The following FER variants were observed in gnomAD, a reference collection of about 807,000 sequenced individuals.
FER encodes FER tyrosine kinase, also known as tyrosine-protein kinase Fer.
FER carries 63 observed loss-of-function variants against 111.0 expected under a neutral mutation model. The observed-to-expected ratio is 0.57, with a 90% CI of 0.46 to 0.70. The LOEUF is 0.70. Ranked by LOEUF, FER falls within the 30% of genes least tolerant of loss-of-function variation. FER has a pLI of 0.00. For missense variants in FER, 914 were observed against 954.0 expected (o/e 0.96, Z 0.55); for synonymous variants, 327 against 313.9 (o/e 1.04, Z -0.44).
intron 10 of FER, among the ~76,000 whole-genome samples, chr5:108,904,029 C>G (rs1427090024): frequency 1.3e-5 from 2 of 151,980 alleles, no homozygotes; most frequent in South Asian, 4.1e-4. Flanking sequence ...CTTAATGCAT[C>G]TTAGGTATCA....
chr5:109,015,507 A>G (rs1766959453), intron 13 of FER, among the ~76,000 whole-genome samples: 3 of 151,900 alleles, frequency 2.0e-5, no homozygotes, highest in Admixed American at 2.0e-4. Flanking sequence ...CTCTGGAGCT[A>G]TACTGGTGAC....
rs181451823 is a variant in FER at position 108,899,751 on chromosome 5, C to T, written c.1236+1903C>T. On this transcript the variant is annotated intron_variant, in intron 10 of 19. Coordinates refer to ENST00000281092, the MANE Select transcript of FER (RefSeq NM_005246.4). ...CCTGGGAGGTGGAGGTTGCAGTGAG[C>T]TGAGATCGTGCCACTGCACTCCAGC... Among the ~76,000 whole-genome samples the T allele has an allele frequency of 2.7e-3, 399 of 150,506 alleles. 1 individual carries two copies. Among genetic ancestry groups the T allele is most frequent in the African/African-American group, 9.4e-3 (384 of 40,860 alleles).
chr5:108,927,565 G>A (rs1753961157), intron 10 of FER, among the ~76,000 whole-genome samples: 1 of 152,234 alleles, frequency 6.6e-6, no homozygotes, highest in South Asian at 2.1e-4. Flanking sequence ...GGCGAGAAGT[G>A]GCTCTTAATG....
At chr5:108,899,487 G>C (rs1411157058) in intron 10 of FER, among the ~76,000 whole-genome samples, 1 of 152,052 alleles carries the variant, frequency 6.6e-6, no homozygotes, top group Non-Finnish European at 1.5e-5. Context: ...CTGTTACCAT[G>C]ACGTTGTGGA....
intron 5 of FER, among the ~76,000 whole-genome samples, chr5:108,852,466 A>G (rs1762627079): frequency 6.6e-6 from 1 of 152,186 alleles, no homozygotes; most frequent in Non-Finnish European, 1.5e-5. Context: ...AATGGCAACT[A>G]GCCTTCTTAT....
intron 6 of FER, among the ~76,000 whole-genome samples, chr5:108,870,694 A>G (rs967372720): frequency 4.6e-5 from 7 of 152,146 alleles, no homozygotes; most frequent in Admixed American, 3.9e-4. Context: ...ATGCAGGATA[A>G]CCTTGTCTGT....
chr5:109,075,056 CT>C, intron 16 of FER, among the ~76,000 whole-genome samples: 1 of 152,236 alleles, frequency 6.6e-6, no homozygotes, highest in South Asian at 2.1e-4. Flanking sequence ...CATCAAAATT[CT>C]GTGTGTATAT....
At chr5:109,061,691 A>C (rs1019648193) in intron 16 of FER, among the ~76,000 whole-genome samples, 1 of 152,222 alleles carries the variant, frequency 6.6e-6, no homozygotes, top group Non-Finnish European at 1.5e-5. Flanking sequence ...AGCTCGTTTC[A>C]GTAAACAGGA....
chr5:109,050,368 G>A (rs762284349), intron 16 of FER, among the ~76,000 whole-genome samples: 2 of 152,120 alleles, frequency 1.3e-5, no homozygotes, highest in Non-Finnish European at 2.9e-5. Flanking sequence ...CATGAGAAAG[G>A]TTCAAATTTG....
intron 13 of FER, among the ~76,000 whole-genome samples, chr5:109,016,852 A>G (rs1461749991): frequency 6.6e-6 from 1 of 151,994 alleles, no homozygotes; most frequent in African/African-American, 2.4e-5. Flanking sequence ...TTAGGAGGTA[A>G]TTAAGGTTAA....
At chr5:108,946,417 A>G (rs759114875) in intron 11 of FER, among the ~76,000 whole-genome samples, 195 bp downstream of exon 11, 7 of 151,876 alleles carry the variant, frequency 4.6e-5, no homozygotes, top group Non-Finnish European at 8.8e-5. Flanking sequence ...ATATATGTGT[A>G]TAGTAAAATC....
At chr5:108,928,388 T>G (rs747692441) in intron 10 of FER, among the ~76,000 whole-genome samples, 1 of 152,232 alleles carries the variant, frequency 6.6e-6, no homozygotes, top group Non-Finnish European at 1.5e-5. Flanking sequence ...ACAAAATATT[T>G]TAAAGCTATG....
At chr5:108,976,643 A>C (rs1305578786) in intron 13 of FER, among the ~76,000 whole-genome samples, 1 of 152,180 alleles carries the variant, frequency 6.6e-6, no homozygotes, top group Non-Finnish European at 1.5e-5. Context: ...CATATTTAAC[A>C]CATATTTTGT....
At chr5:108,790,215 T>C (rs903231771) in intron 2 of FER, among the ~76,000 whole-genome samples, 2 of 144,512 alleles carry the variant, frequency 1.4e-5, no homozygotes, top group Non-Finnish European at 3.0e-5. Flanking sequence ...AAACTGTATG[T>C]ATACATATAT....
At chr5:108,926,975 T>G (rs942500068) in intron 10 of FER, among the ~76,000 whole-genome samples, 4 of 152,148 alleles carry the variant, frequency 2.6e-5, no homozygotes, top group African/African-American at 9.7e-5. Flanking sequence ...ATGAGACTAG[T>G]CTAGACATAG....
chr5:109,013,989 G>A (rs1406809458), intron 13 of FER, among the ~76,000 whole-genome samples: 1 of 151,610 alleles, frequency 6.6e-6, no homozygotes, highest in Non-Finnish European at 1.5e-5. Flanking sequence ...TTAGCCCTTT[G>A]TCAGATGAGT....
rs374932347 is a variant in FER, at chr5:108,922,061, A to T, written c.1237-24069A>T. Among the ~76,000 whole-genome samples, 14 of 152,338 alleles carry T rather than the reference A, an allele frequency of 9.2e-5. No individual in the cohort carries two copies. The East Asian group carries it at 2.1e-3, about 23-fold the overall frequency. On this transcript the variant is annotated intron_variant, in intron 10 of 19. Transcript: ENST00000281092. Reference sequence around the variant, plus strand: ...AGGCTGACATACAGGGAAGACAGCCATGAGAAGACAGAGGCAGATATTGGA... The same window carrying T: ...AGGCTGACATACAGGGAAGACAGCCTTGAGAAGACAGAGGCAGATATTGGA...
intron 13 of FER, among the ~76,000 whole-genome samples, chr5:109,009,884 C>T (rs970351293): frequency 7.9e-5 from 12 of 151,990 alleles, no homozygotes; most frequent in Admixed American, 2.6e-4. Context: ...CTGTTAAACA[C>T]GGGTAGTGTT....
intron 5 of FER, among the ~76,000 whole-genome samples, chr5:108,866,006 A>G (rs953673975): frequency 1.3e-5 from 2 of 152,230 alleles, no homozygotes; most frequent in African/African-American, 4.8e-5. Context: ...AACAAGTTCA[A>G]CCATTGTGGA....
Sources: allele counts gnomAD v4.1 joint callset (sites outside exome capture counted in the v4.1 genomes callset), GRCh38; gene constraint gnomAD v4.1.1; transcripts MANE v1.5; gene names NCBI Gene and HGNC (gene_info 2026-07-23, HGNC 2026-07-21).